Variants in ROBO2 observed in about 807,000 individuals in gnomAD.
ROBO2 encodes roundabout homolog 2.
Under a neutral mutation model 160.8 loss-of-function variants are expected in ROBO2, and 53 were observed. The ratio of observed to expected loss-of-function variants is 0.33; its 90% confidence interval spans 0.26 to 0.41. The LOEUF (loss-of-function observed/expected upper bound fraction) is 0.41, where lower values mean the gene tolerates loss of function less well. Among genes scored for constraint, ROBO2 ranks in the 10% least tolerant of loss-of-function variants. The probability of loss-of-function intolerance (pLI) is 1.00; values close to 1 mark genes in which losing one functional copy is unlikely to be tolerated. For synonymous variants in ROBO2, 664 were observed against 611.7 expected (o/e 1.09, Z -1.26); for missense variants, 1,577 against 1,722.4 (o/e 0.92, Z 1.49).
At chr3:77,381,733 T>G (rs561549607) in intron 2 of ROBO2, among the ~76,000 whole-genome samples, 20 of 152,316 alleles carry the variant, frequency 1.3e-4, no homozygotes, top group Middle Eastern at 6.8e-3. Context: ...TCATTGAAAA[T>G]CTCAGAAAAT....
chr3:77,209,692 A>G (rs1560240245), intron 2 of ROBO2, among the ~76,000 whole-genome samples: 1 of 152,156 alleles, frequency 6.6e-6, no homozygotes, highest in Non-Finnish European at 1.5e-5. Flanking sequence ...CACAAAAACC[A>G]TGTTTGTGGA....
intron 24 of ROBO2, 98 bp downstream of exon 25, chr3:77,635,141 C>T: frequency 7.4e-7 from 1 of 1,343,076 alleles, no homozygotes; most frequent in Non-Finnish European, 1.0e-6. Context: ...TTAGCCATTG[C>T]TTCATTACAT....
chr3:76,222,508 G>T (rs769311528), intron 2 of ROBO2, among the ~76,000 whole-genome samples: 4 of 149,722 alleles, frequency 2.7e-5, no homozygotes, highest in Non-Finnish European at 5.9e-5. Context: ...TTGGGAAGCT[G>T]CTGATAACCA....
chr3:76,805,377 T>C (rs2064598968), intron 2 of ROBO2, among the ~76,000 whole-genome samples: 1 of 152,026 alleles, frequency 6.6e-6, no homozygotes, highest in African/African-American at 2.4e-5. Flanking sequence ...GCTTTCTTTC[T>C]ATCATTTTGA....
At chr3:76,009,025 C>T (rs1404991225) in intron 2 of ROBO2, among the ~76,000 whole-genome samples, 1 of 152,158 alleles carries the variant, frequency 6.6e-6, no homozygotes, top group South Asian at 2.1e-4. Context: ...TTTCTGCATC[C>T]CAGTGTGACA....
intron 2 of ROBO2, among the ~76,000 whole-genome samples, chr3:76,829,948 G>T (rs142214831): frequency 7.9e-5 from 12 of 152,286 alleles, no homozygotes; most frequent in South Asian, 4.1e-4. Context: ...GATTACAGGC[G>T]TAAGCCACCG....
At chr3:76,857,145 C>T (rs1048044525) in intron 2 of ROBO2, among the ~76,000 whole-genome samples, 1 of 152,034 alleles carries the variant, frequency 6.6e-6, no homozygotes, top group African/African-American at 2.4e-5. Context: ...GCCACCACGC[C>T]CGGATAATTT....
chr3:76,503,633 G>C (rs974289289), intron 2 of ROBO2, among the ~76,000 whole-genome samples: 1 of 152,096 alleles, frequency 6.6e-6, no homozygotes, highest in Non-Finnish European at 1.5e-5. Flanking sequence ...ATTACAAAAA[G>C]AAAATTTCGT....
intron 2 of ROBO2, among the ~76,000 whole-genome samples, chr3:76,328,688 G>T (rs2073221104): frequency 1.3e-5 from 2 of 151,664 alleles, no homozygotes; most frequent in Non-Finnish European, 2.9e-5. Context: ...GTGAAACCCC[G>T]TCACTACTAA....
intron 2 of ROBO2, among the ~76,000 whole-genome samples, chr3:75,946,257 G>A (rs1401826531): frequency 1.3e-5 from 2 of 151,574 alleles, no homozygotes; most frequent in Admixed American, 1.3e-4. Flanking sequence ...GAGAAGAGAG[G>A]GAAGCAAAGA....
At chr3:75,921,506 AT>A (rs1947050749) in intron 1 of ROBO2, among the ~76,000 whole-genome samples, 2 of 152,020 alleles carry the variant, frequency 1.3e-5, no homozygotes, top group African/African-American at 4.8e-5. Context: ...TTCTATTTGT[AT>A]TGTTATTGTT....
At chr3:77,212,528 C>A (rs1020753864) in intron 2 of ROBO2, among the ~76,000 whole-genome samples, 9 of 152,108 alleles carry the variant, frequency 5.9e-5, no homozygotes, top group South Asian at 2.1e-4. Flanking sequence ...CAAACAGGGA[C>A]AATTTGATTT....
chr3:76,937,223 A>G (rs1013722243), intron 2 of ROBO2, among the ~76,000 whole-genome samples: 1 of 152,230 alleles, frequency 6.6e-6, no homozygotes, highest in African/African-American at 2.4e-5. Context: ...TTTTACCATT[A>G]TATAATTATA....
intron 2 of ROBO2, among the ~76,000 whole-genome samples, chr3:76,783,171 T>C (rs1344062949): frequency 6.6e-6 from 1 of 150,996 alleles, no homozygotes; most frequent in African/African-American, 2.4e-5. Flanking sequence ...TTCCTGAACA[T>C]ACATTTTATG....
At chr3:76,452,208 G>C (rs961453009) in intron 2 of ROBO2, among the ~76,000 whole-genome samples, 1 of 151,522 alleles carries the variant, frequency 6.6e-6, no homozygotes, top group East Asian at 1.9e-4. Flanking sequence ...TTAAGTTTTA[G>C]GGTACATGTG....
At chr3:76,933,291 T>C (rs2077473554) in intron 2 of ROBO2, among the ~76,000 whole-genome samples, 1 of 152,226 alleles carries the variant, frequency 6.6e-6, no homozygotes, top group African/African-American at 2.4e-5. Context: ...ATACTAGTTA[T>C]CCTATCATGC....
At chr3:77,290,095 G>T (rs1211689261) in intron 2 of ROBO2, among the ~76,000 whole-genome samples, 3 of 151,400 alleles carry the variant, frequency 2.0e-5, no homozygotes, top group African/African-American at 7.3e-5. Context: ...ACGGTTAAAC[G>T]GATAAGCTGA....
intron 7 of ROBO2, 49 bp from the exon 9 acceptor site, chr3:77,550,769 T>G: frequency 6.3e-7 from 1 of 1,595,356 alleles, no homozygotes; most frequent in Non-Finnish European, 8.6e-7. Flanking sequence ...TTCACATAAT[T>G]TTTTTAAGTG....
At chr3:76,567,821 T>TGGGGGGGG (rs1383393759) in intron 2 of ROBO2, among the ~76,000 whole-genome samples, 1 of 138,930 alleles carries the variant, frequency 7.2e-6, no homozygotes, top group African/African-American at 2.7e-5. Context: ...TTTTTTTTTT[T>TGGGGGGGG]TTGGGGGGGG....
Sources: gnomAD v4.1 joint callset for allele counts (sites outside exome capture counted in the v4.1 genomes callset) on GRCh38, gnomAD v4.1.1 for gene constraint, MANE v1.5 for transcripts, NCBI Gene and HGNC (gene_info 2026-07-23, HGNC 2026-07-21) for gene names.